The following AAK1 variants were observed in gnomAD, a reference collection of about 807,000 sequenced individuals.
The protein encoded by AAK1 is AP2-associated protein kinase 1.
AAK1 carries 37 observed loss-of-function variants against 116.0 expected under a neutral mutation model. The observed-to-expected ratio is 0.32, with a 90% CI of 0.25 to 0.42. The LOEUF is 0.42. Ranked by LOEUF, AAK1 falls within the 10% of genes least tolerant of loss-of-function variation. AAK1 has a pLI of 1.00. For synonymous variants in AAK1, 458 were observed against 439.9 expected, an observed-to-expected ratio of 1.04 and a Z score of -0.51; for missense variants, 919 against 1,170.6, an observed-to-expected ratio of 0.79 and a Z score of 3.14.
At chr2:69,599,465 T>C (rs775564277) in intron 2 of AAK1, among the ~76,000 whole-genome samples, 17 of 152,110 alleles carry the variant, frequency 1.1e-4, no homozygotes, top group Non-Finnish European at 2.4e-4. Flanking sequence ...CTTCACGATG[T>C]TGCAGTATTT....
chr2:69,514,284 C>A (rs1313457931), intron 13 of AAK1, among the ~76,000 whole-genome samples, 187 bp downstream of exon 13: 3 of 152,192 alleles, frequency 2.0e-5, no homozygotes, highest in Admixed American at 2.0e-4. Flanking sequence ...TTTAAAAAAA[C>A]CTCTATCTTC....
chr2:69,466,047 A>G lies in AAK1; in HGVS notation c.*9822T>C, dbSNP rs1362259816. Reference sequence around the variant, plus strand: ...GGAAGGAGCCATACTGCTCTTGGAGACAAATGGGGCTTTGGAGAAAATGTC... The same window carrying G: ...GGAAGGAGCCATACTGCTCTTGGAGGCAAATGGGGCTTTGGAGAAAATGTC... On this transcript the variant is annotated 3_prime_UTR_variant, in exon 22 of 22. Coordinates refer to ENST00000409085, the MANE Select transcript of AAK1 (RefSeq NM_014911.5). The G allele has an allele frequency of 7.7e-7, 1 of 1,290,908 alleles. No individual in the cohort carries two copies. Among genetic ancestry groups the G allele is most frequent in the South Asian group, 1.2e-5 (1 of 81,026 alleles). 80.0% of individuals were successfully genotyped at this position (1,290,908 alleles called of 1,614,324 possible).
chr2:69,514,845 C>A (rs1193778695), intron 12 of AAK1, 96 bp from the exon 13 acceptor site: 1 of 1,370,798 alleles, frequency 7.3e-7, no homozygotes, highest in African/African-American at 1.5e-5. Flanking sequence ...GTGCTAAAGC[C>A]AAAGGCAAGG....
chr2:69,627,398 G>A (rs548303209), intron 2 of AAK1, among the ~76,000 whole-genome samples: 58 of 152,002 alleles, frequency 3.8e-4, no homozygotes, highest in Admixed American at 1.3e-3. Context: ...CATGCTACAC[G>A]GTGAAATAAA....
At chr2:69,622,298 A>C (rs1674675770) in intron 2 of AAK1, among the ~76,000 whole-genome samples, 1 of 152,076 alleles carries the variant, frequency 6.6e-6, no homozygotes, top group South Asian at 2.1e-4. Context: ...GCAGCCCGCC[A>C]TGCCTGAGCC....
intron 2 of AAK1, among the ~76,000 whole-genome samples, chr2:69,587,577 T>C (rs1334060435): frequency 6.6e-6 from 1 of 151,570 alleles, no homozygotes; most frequent in Non-Finnish European, 1.5e-5. Flanking sequence ...GTGATTCTCC[T>C]GTCTCAGCCT....
chr2:69,496,013 G>GA lies in AAK1; in HGVS notation c.2336dup (p.Ile780HisfsTer7). 1 of 1,554,432 alleles carries GA rather than the reference G, an allele frequency of 6.4e-7. No homozygotes were observed. Among genetic ancestry groups the GA allele is most frequent in the South Asian group, 1.2e-5 (1 of 84,154 alleles). On this transcript the variant is annotated frameshift_variant, in exon 17 of 22. Coordinates refer to ENST00000409085, the MANE Select transcript of AAK1 (RefSeq NM_014911.5). LOFTEE classifies it high-confidence loss of function. The stretch of plus-strand genomic sequence containing the variant: ...GTGCATCAGGTACTTGAAGAGGAAT[G>GA]AAAGGATCAGACACGCTTAGAAGCG...
chr2:69,549,196 G>A (rs781589608), intron 3 of AAK1, among the ~76,000 whole-genome samples: 18 of 151,986 alleles, frequency 1.2e-4, no homozygotes, highest in South Asian at 4.2e-4. Context: ...TGGTGAAACC[G>A]CGTCTCTACT....
At chr2:69,502,230 A>T (rs1676004953) in intron 16 of AAK1, among the ~76,000 whole-genome samples, 1 of 152,232 alleles carries the variant, frequency 6.6e-6, no homozygotes, top group African/African-American at 2.4e-5. Flanking sequence ...TTTCTAGGAA[A>T]AGATAATATG....
In AAK1 at chr2:69,473,126, A is replaced by G. The variant is rs1674735355; in HGVS notation, c.*2743T>C. 1.2e-6 allele frequency: 1 copy of G among 840,014 alleles called. No homozygotes were observed. Among genetic ancestry groups the G allele is most frequent in the Non-Finnish European group, 1.4e-6 (1 of 697,486 alleles). The allele number at this position is 840,014 out of a possible 1,614,324, so 52.0% of individuals were successfully genotyped here. A position where few individuals can be genotyped will look rare whatever the true frequency, so the allele number is the denominator to read the frequency against. Reference sequence around the variant, plus strand: ...CATCGTATAACTCTAAGGAACAGCAACTCTGAGAGGTGAAGTGCCTGCTGA... The same window carrying G: ...CATCGTATAACTCTAAGGAACAGCAGCTCTGAGAGGTGAAGTGCCTGCTGA... On this transcript the variant is annotated 3_prime_UTR_variant, in exon 22 of 22. Coordinates refer to ENST00000409085, the MANE Select transcript of AAK1 (RefSeq NM_014911.5).
intron 2 of AAK1, among the ~76,000 whole-genome samples, chr2:69,578,703 C>T (rs1372555619): frequency 6.6e-6 from 1 of 152,128 alleles, no homozygotes; most frequent in African/African-American, 2.4e-5. Context: ...GGACTTCACT[C>T]CCTGAAGAAA....
At chr2:69,518,430 T>G (rs1409139689) in intron 12 of AAK1, among the ~76,000 whole-genome samples, 3 of 150,988 alleles carry the variant, frequency 2.0e-5, no homozygotes, top group Non-Finnish European at 4.4e-5. Context: ...TTTTTTTTTT[T>G]TTTTTTGAGA....
intron 4 of AAK1, among the ~76,000 whole-genome samples, chr2:69,543,995 CT>C (rs1670827644): frequency 6.6e-6 from 1 of 152,152 alleles, no homozygotes; most frequent in African/African-American, 2.4e-5. Flanking sequence ...AGGAGGGTCA[CT>C]TCCATTAGAC....
intron 2 of AAK1, among the ~76,000 whole-genome samples, chr2:69,638,831 G>GT (rs1206966171): frequency 6.6e-6 from 1 of 152,150 alleles, no homozygotes; most frequent in African/African-American, 2.4e-5. Flanking sequence ...TCTAAGGTAT[G>GT]TATGTCAAAG....
chr2:69,541,122 T>C (rs997760793), intron 5 of AAK1, among the ~76,000 whole-genome samples: 2 of 151,910 alleles, frequency 1.3e-5, no homozygotes, highest in African/African-American at 4.8e-5. Flanking sequence ...GGACTGCTAA[T>C]GGATACAGGG....
At chr2:69,596,412 G>C (rs1466861965) in intron 2 of AAK1, among the ~76,000 whole-genome samples, 2 of 152,052 alleles carry the variant, frequency 1.3e-5, no homozygotes, top group Non-Finnish European at 2.9e-5. Flanking sequence ...ACTAGAGACA[G>C]GGTTTTGCCA....
At chr2:69,587,435 A>AT (rs1672835073) in intron 2 of AAK1, among the ~76,000 whole-genome samples, 1 of 150,190 alleles carries the variant, frequency 6.7e-6, no homozygotes, top group Non-Finnish European at 1.5e-5. Context: ...ATATATATAC[A>AT]TATGTGTATA....
chr2:69,560,299 G>C (rs1671579833), intron 2 of AAK1, among the ~76,000 whole-genome samples: 1 of 152,220 alleles, frequency 6.6e-6, no homozygotes, highest in Admixed American at 6.5e-5. Flanking sequence ...GGATCAGGGT[G>C]ATGAGATTCT....
chr2:69,534,469 C>T (rs1443980582), intron 5 of AAK1, among the ~76,000 whole-genome samples: 1 of 152,222 alleles, frequency 6.6e-6, no homozygotes, highest in African/African-American at 2.4e-5. Context: ...CAATAGAAAT[C>T]TAGTGAATAA....
Sources: allele counts gnomAD v4.1 joint callset (sites outside exome capture counted in the v4.1 genomes callset), GRCh38; gene constraint gnomAD v4.1.1; transcripts MANE v1.5; gene names NCBI Gene and HGNC (gene_info 2026-07-23, HGNC 2026-07-21).